ADAMTS14: variants seen among roughly 807,000 people sequenced by gnomAD.
The protein encoded by ADAMTS14 is ADAM metallopeptidase with thrombospondin type 1 motif 14.
A neutral mutation model predicts 128.6 loss-of-function variants in ADAMTS14; 100 were observed. The ratio of observed to expected loss-of-function variants is 0.78; its 90% CI spans 0.66 to 0.92. The LOEUF is 0.92. ADAMTS14 is among the 40% of genes least tolerant of loss of function. ADAMTS14 has a pLI of 0.00. For synonymous variants in ADAMTS14, 665 were observed against 653.8 expected (o/e 1.02, Z -0.26); for missense variants, 1,562 against 1,658.6 (o/e 0.94, Z 1.01).
At chr10:70,714,190 C>T (rs1254217779) in intron 4 of ADAMTS14, among the ~76,000 whole-genome samples, 1 of 152,102 alleles carries the variant, frequency 6.6e-6, no homozygotes, top group Non-Finnish European at 1.5e-5. Context: ...AAGACCCTGT[C>T]TCTAGAATTA....
Position 70,702,314 on chromosome 10 carries a change from G to A in ADAMTS14, c.525G>A (p.Ala175=), listed in dbSNP as rs376839956. The stretch of plus-strand genomic sequence containing the variant: ...GCTGCTTGCCGTCCCTGGTTCAGGC[G>A]GGCCTCATCCGCACAGACAGCACCG... The part of the protein sequence containing the change: ...AVAISNCDGL[A]GLIRTDSTDF... Residue 175 remains alanine (A), a splice_region_variant and synonymous_variant, in exon 3 of 22, where the codon GCG becomes GCA. Coordinates refer to ENST00000373207, the MANE Select transcript of ADAMTS14 (RefSeq NM_080722.4). The A allele has an allele frequency of 5.0e-6, 8 of 1,614,000 alleles. No homozygotes were observed. Among genetic ancestry groups the A allele is most frequent in the Admixed American group, 3.3e-5 (2 of 59,996 alleles).
intron 2 of ADAMTS14, among the ~76,000 whole-genome samples, chr10:70,678,812 T>C (rs1202975757): frequency 6.6e-6 from 1 of 152,166 alleles, no homozygotes; most frequent in East Asian, 1.9e-4. Context: ...CCCTTCCAGC[T>C]CTGGCATTGG....
At chr10:70,734,891 C>T (rs957933307) in intron 8 of ADAMTS14, among the ~76,000 whole-genome samples, 10 of 152,204 alleles carry the variant, frequency 6.6e-5, no homozygotes, top group Admixed American at 6.5e-4. Flanking sequence ...AAAATGACCT[C>T]CTAATCCAGC....
At chr10:70,692,118 G>C (rs976610438) in intron 2 of ADAMTS14, among the ~76,000 whole-genome samples, 1 of 151,996 alleles carries the variant, frequency 6.6e-6, no homozygotes, top group Admixed American at 6.6e-5. Context: ...TGATTTCATC[G>C]GTCTGGGAGG....
Position 70,674,942 on chromosome 10 carries a change from GGT to G in ADAMTS14, c.472_473del (p.Val158HisfsTer14), listed in dbSNP as rs781758593. On this transcript the variant is annotated frameshift_variant, in exon 2 of 22. Coordinates refer to ENST00000373207, the MANE Select transcript of ADAMTS14 (RefSeq NM_080722.4). LOFTEE classifies it high-confidence loss of function. Reference protein sequence around the residue: ...PLRQECVYTGGVTGMPGAAVA... With the variant: ...PLRQECVYTGXVTGMPGAAVA... The stretch of plus-strand genomic sequence containing the variant: ...ACGGCAGGAGTGTGTGTACACTGGA[GGT>G]GTCACTGGAATGCCTGGGGCAGCTG... 10 of 1,613,128 alleles carry G rather than the reference GGT, an allele frequency of 6.2e-6. No homozygotes were observed. The highest frequency in any genetic ancestry group is 1.3e-5 in the African/African-American group (1 of 74,940).
intron 2 of ADAMTS14, among the ~76,000 whole-genome samples, chr10:70,683,823 G>A (rs1012032438): frequency 3.9e-5 from 6 of 152,110 alleles, no homozygotes; most frequent in Admixed American, 6.5e-5. Context: ...TAGGCCGCGC[G>A]GCCTCAGTTC....
chr10:70,760,519 C>G lies in ADAMTS14; in HGVS notation c.3338C>G (p.Pro1113Arg), dbSNP rs1480580283. 1.9e-6 allele frequency: 3 copies of G among 1,613,706 alleles called. No homozygotes were observed. Among genetic ancestry groups the G allele is most frequent in the Non-Finnish European group, 1.7e-6 (2 of 1,179,926 alleles). The change falls in exon 22 of 22, where the codon CCC becomes CGC. Residue 1113 changes from proline to arginine, a missense_variant. Transcript: ENST00000373207. ...GPDPGPTSLP[P>R]FSTPGSPLPG... ...GACCCTGGCCCAACCTCACTGCCCC[C>G]CTTCTCCACTCCTGGAAGCCCCTTA...
chr10:70,705,615 C>T (rs1589280605), intron 3 of ADAMTS14, among the ~76,000 whole-genome samples: 1 of 152,376 alleles, frequency 6.6e-6, no homozygotes, highest in South Asian at 2.1e-4. Flanking sequence ...GTCCAACGCC[C>T]CCTGGCAACC....
intron 2 of ADAMTS14, among the ~76,000 whole-genome samples, chr10:70,699,100 G>C (rs1840420861): frequency 6.6e-6 from 1 of 152,182 alleles, no homozygotes; most frequent in Non-Finnish European, 1.5e-5. Flanking sequence ...GGATTTGCAG[G>C]TGGTACTAGG....
intron 16 of ADAMTS14, 109 bp downstream of exon 16, chr10:70,750,094 C>A: frequency 6.9e-7 from 1 of 1,441,212 alleles, no homozygotes; most frequent in East Asian, 2.3e-5. Context: ...CTTTAGGAGC[C>A]TGGGCAAGGG....
intron 4 of ADAMTS14, among the ~76,000 whole-genome samples, chr10:70,718,343 T>C (rs1257413178): frequency 1.3e-5 from 2 of 152,044 alleles, no homozygotes; most frequent in African/African-American, 4.8e-5. Flanking sequence ...TGTAAAGCAG[T>C]AGTTCTTTTT....
chr10:70,711,393 GA>G (rs1840853097), intron 4 of ADAMTS14, among the ~76,000 whole-genome samples: 1 of 152,226 alleles, frequency 6.6e-6, no homozygotes, highest in Non-Finnish European at 1.5e-5. Context: ...ACACGTTAGA[GA>G]GGGAGAGCAT....
chr10:70,734,873 A>G lies in ADAMTS14; in HGVS notation c.1353-296A>G, dbSNP rs4747092. Among the ~76,000 whole-genome samples the G allele has an allele frequency of 0.22, 32,926 of 152,090 alleles. 4,486 individuals are homozygous for G. Among genetic ancestry groups the G allele is most frequent in the East Asian group, 0.64 (3,292 of 5,138 alleles). The stretch of plus-strand genomic sequence containing the variant: ...GTCTTGGCCATATCGTGTCCCTCTA[A>G]GGTGGGCAAAATGACCTCCTAATCC... On this transcript the variant is annotated intron_variant, in intron 8 of 21. Transcript: ENST00000373207.
At chr10:70,740,247 G>T (rs781157174) in intron 11 of ADAMTS14, among the ~76,000 whole-genome samples, 5 of 152,184 alleles carry the variant, frequency 3.3e-5, no homozygotes, top group Non-Finnish European at 7.3e-5. Context: ...ACAAAAATCT[G>T]TGCAATTCTC....
intron 4 of ADAMTS14, 45 bp downstream of exon 4, chr10:70,708,823 T>C (rs1170030744): frequency 7.7e-6 from 3 of 390,706 alleles, no homozygotes; most frequent in Non-Finnish European, 1.5e-5. Context: ...TGGGGTGGGG[T>C]GGGCCCCACC....
At chr10:70,759,552 ACAT>A (rs1164105698) in intron 21 of ADAMTS14, among the ~76,000 whole-genome samples, 1 of 152,238 alleles carries the variant, frequency 6.6e-6, no homozygotes, top group Non-Finnish European at 1.5e-5. Flanking sequence ...GTAAGGGTCA[ACAT>A]CAGCCCCATT....
chr10:70,747,537 G>A (rs1341233502), intron 15 of ADAMTS14, among the ~76,000 whole-genome samples: 1 of 152,172 alleles, frequency 6.6e-6, no homozygotes, highest in Non-Finnish European at 1.5e-5. Flanking sequence ...TGGAGCTCAC[G>A]GACACTGCAT....
intron 7 of ADAMTS14, among the ~76,000 whole-genome samples, chr10:70,733,580 G>A (rs1176960752): frequency 6.6e-6 from 1 of 152,252 alleles, no homozygotes; most frequent in Non-Finnish European, 1.5e-5. Context: ...CAGTGGCCGA[G>A]TGGGGCTTGA....
At chr10:70,721,019 C>CTTTTTTTTTTTTTTTTTT (rs56656736) in intron 4 of ADAMTS14, among the ~76,000 whole-genome samples, 3 of 84,336 alleles carry the variant, frequency 3.6e-5, no homozygotes, top group Admixed American at 3.0e-4. Flanking sequence ...TCTCTTTTTT[C>CTTTTTTTTTTTTTTTTTT]TTTTTTTTTT....
Sources: allele counts gnomAD v4.1 joint callset (sites outside exome capture counted in the v4.1 genomes callset), GRCh38; gene constraint gnomAD v4.1.1; transcripts MANE v1.5; gene names NCBI Gene and HGNC (gene_info 2026-07-23, HGNC 2026-07-21).